SUPT3H: variants seen among roughly 807,000 people sequenced by gnomAD.
SUPT3H encodes transcription initiation protein SPT3 homolog.
SUPT3H carries 44 observed loss-of-function variants against 44.3 expected under a neutral mutation model. The ratio of observed to expected loss-of-function variants is 0.99; its 90% CI spans 0.78 to 1.28. The LOEUF is 1.28. Ranked by LOEUF, SUPT3H falls within the 50% of genes most tolerant of loss-of-function variation. The pLI, the probability that SUPT3H is intolerant of heterozygous loss-of-function variation, is 0.00. For synonymous variants in SUPT3H, 124 were observed against 125.6 expected (o/e 0.99, Z 0.09); for missense variants, 380 against 387.1 (o/e 0.98, Z 0.15).
chr6:45,345,757 C>T (rs116690233), intron 2 of SUPT3H, among the ~76,000 whole-genome samples: 176 of 152,246 alleles, frequency 1.2e-3, no homozygotes, highest in African/African-American at 4.0e-3. Context: ...CACACCGTAC[C>T]TTTATCTTTC....
chr6:45,167,192 C>T (rs1810030820), intron 2 of SUPT3H, among the ~76,000 whole-genome samples: 1 of 152,160 alleles, frequency 6.6e-6, no homozygotes, highest in Non-Finnish European at 1.5e-5. Flanking sequence ...AGTGTAGGTA[C>T]TATAAAAGCT....
intron 1 of SUPT3H, among the ~76,000 whole-genome samples, chr6:45,373,111 T>C (rs1796318013): frequency 6.6e-6 from 1 of 152,080 alleles, no homozygotes; most frequent in Non-Finnish European, 1.5e-5. Flanking sequence ...CCGGCCCAGC[T>C]AATTTTTGTT....
chr6:45,179,897 T>C (rs572404967), intron 2 of SUPT3H, among the ~76,000 whole-genome samples: 1 of 152,104 alleles, frequency 6.6e-6, no homozygotes, highest in Non-Finnish European at 1.5e-5. Flanking sequence ...AAATAAAGGG[T>C]ATTCAATTAG....
intron 2 of SUPT3H, among the ~76,000 whole-genome samples, chr6:45,173,557 A>G (rs1031560834): frequency 1.3e-5 from 2 of 152,216 alleles, no homozygotes; most frequent in Admixed American, 6.5e-5. Context: ...AAGAAAGCCA[A>G]CCACTTTTCA....
At chr6:45,047,925 A>ATT (rs35916783) in intron 3 of SUPT3H, among the ~76,000 whole-genome samples, 3 of 147,100 alleles carry the variant, frequency 2.0e-5, no homozygotes, top group African/African-American at 7.5e-5. Context: ...GTCTTTGCCC[A>ATT]TTTTTTTTTT....
At chr6:45,372,033 AG>A (rs1796140578) in intron 1 of SUPT3H, 25 of 963,962 alleles carry the variant, frequency 2.6e-5, no homozygotes, top group Non-Finnish European at 2.8e-5. Context: ...TACAAATAAA[AG>A]TTTATCATAA....
chr6:45,192,165 T>C (rs757770280), intron 2 of SUPT3H, among the ~76,000 whole-genome samples: 1 of 152,144 alleles, frequency 6.6e-6, no homozygotes, highest in Non-Finnish European at 1.5e-5. Context: ...CCCAGTATAC[T>C]TCTAATATCT....
intron 3 of SUPT3H, among the ~76,000 whole-genome samples, chr6:45,021,017 C>T (rs1785054778): frequency 6.6e-6 from 1 of 151,816 alleles, no homozygotes; most frequent in East Asian, 1.9e-4. Context: ...TTAATCTGAG[C>T]TCCCATGCTG....
intron 1 of SUPT3H, among the ~76,000 whole-genome samples, chr6:45,373,430 T>C (rs1249857657): frequency 2.6e-5 from 4 of 152,122 alleles, no homozygotes; most frequent in African/African-American, 9.7e-5. Context: ...AAGGAACACA[T>C]CAAGTGCCCA....
intron 9 of SUPT3H, among the ~76,000 whole-genome samples, chr6:44,952,723 T>A (rs1022537036): frequency 6.6e-6 from 1 of 152,208 alleles, no homozygotes; most frequent in Admixed American, 6.5e-5. Context: ...TTCTGTATAC[T>A]AAAAGTGGTG....
chr6:44,969,222 C>G (rs1777212513), intron 6 of SUPT3H, among the ~76,000 whole-genome samples: 1 of 152,142 alleles, frequency 6.6e-6, no homozygotes, highest in Admixed American at 6.6e-5. Flanking sequence ...ATGGAAAAAT[C>G]AAGTTGCATA....
intron 2 of SUPT3H, among the ~76,000 whole-genome samples, chr6:45,124,824 AG>A (rs1802192352): frequency 6.6e-6 from 1 of 152,138 alleles, no homozygotes; most frequent in Non-Finnish European, 1.5e-5. Flanking sequence ...ATTTAGAAAT[AG>A]GGTCTTTACA....
Position 45,003,749 on chromosome 6 carries a change from A to C in SUPT3H, c.408T>G (p.Ile136Met), listed in dbSNP as rs1391497582. ...CAATAGAGTTGAGGAAGTCCTGAGC[A>C]ATCTTTTGTCTTTTGTTCGCATTAT... ...GSNNANKRQK[I>M]AQDFLNSIDQ... Residue 136 changes from isoleucine to methionine, a missense_variant, in exon 6 of 11, where the codon ATT (isoleucine) becomes ATG (methionine). Physicochemically the swap from Ile to Met is conservative, Grantham distance 10. Transcript: ENST00000371459. 16 of 1,613,650 alleles carry C rather than the reference A, an allele frequency of 9.9e-6. No individual in the cohort carries two copies. The highest frequency in any genetic ancestry group is 1.4e-5 in the Non-Finnish European group (16 of 1,179,836).
At chr6:44,810,319 A>C (rs1766426455) in intron 11 of SUPT3H, among the ~76,000 whole-genome samples, 1 of 152,216 alleles carries the variant, frequency 6.6e-6, no homozygotes, top group South Asian at 2.1e-4. Context: ...GGAAGTTATA[A>C]ATACTAGCAA....
chr6:45,148,064 C>A (rs1234446289), intron 2 of SUPT3H, among the ~76,000 whole-genome samples: 1 of 152,062 alleles, frequency 6.6e-6, no homozygotes, highest in Non-Finnish European at 1.5e-5. Flanking sequence ...GAATTATAGA[C>A]ATAGATTTAA....
At chr6:45,239,607 T>C (rs1769901714) in intron 2 of SUPT3H, among the ~76,000 whole-genome samples, 1 of 152,244 alleles carries the variant, frequency 6.6e-6, no homozygotes, top group South Asian at 2.1e-4. Context: ...TGGACACCTT[T>C]TCTCACTTTG....
intron 2 of SUPT3H, among the ~76,000 whole-genome samples, chr6:45,142,363 A>G (rs1805349408): frequency 6.6e-6 from 1 of 152,174 alleles, no homozygotes; most frequent in Non-Finnish European, 1.5e-5. Flanking sequence ...TATTTAGGTA[A>G]CAACTACCAT....
intron 10 of SUPT3H, among the ~76,000 whole-genome samples, chr6:44,895,171 A>C (rs571032418): frequency 2.6e-5 from 4 of 152,104 alleles, no homozygotes; most frequent in African/African-American, 9.6e-5. Context: ...TTTTCATATT[A>C]AAGTCAGATG....
intron 3 of SUPT3H, among the ~76,000 whole-genome samples, chr6:45,093,348 T>A (rs1406731993): frequency 1.3e-5 from 2 of 152,154 alleles, no homozygotes; most frequent in East Asian, 3.8e-4. Flanking sequence ...TAAAATAATA[T>A]AAGCAAACTC....
Sources: gnomAD v4.1 joint callset for allele counts (sites outside exome capture counted in the v4.1 genomes callset) on GRCh38, gnomAD v4.1.1 for gene constraint, MANE v1.5 for transcripts, NCBI Gene and HGNC (gene_info 2026-07-23, HGNC 2026-07-21) for gene names.